GPR18: variants seen among roughly 807,000 people sequenced by gnomAD.
GPR18 encodes N-arachidonyl glycine receptor.
A neutral mutation model predicts 22.8 loss-of-function variants in GPR18; 20 were observed. That is an observed-to-expected ratio of 0.88 (90% CI 0.62 to 1.28). The LOEUF (loss-of-function observed/expected upper bound fraction) is 1.28. GPR18 is among the 50% of genes most tolerant of loss of function. The pLI is 0.00. For synonymous variants in GPR18, 160 were observed against 155.3 expected (o/e 1.03, Z -0.22); for missense variants, 379 against 412.0 (o/e 0.92, Z 0.69).
chr13:99,255,090 C>A lies in GPR18; in HGVS notation c.783G>T (p.Glu261Asp), dbSNP rs1217142609. 3.1e-6 allele frequency: 5 copies of A among 1,614,104 alleles called. No homozygotes were observed. Among genetic ancestry groups the A allele is most frequent in the South Asian group, 2.2e-5 (2 of 91,072 alleles). ...AGGCTCCCCAGGGATTGTAACTGTT[C>A]TCCCCCGTTCCCAGCATCAGGAAAG... ...CFAFLMLGTG[E>D]NSYNPWGAFT... Residue 261 changes from glutamate (E) to aspartate (D), a missense_variant, in exon 2 of 2, where the codon GAG becomes GAT. Physicochemically the swap from Glu to Asp is conservative, Grantham distance 45 (BLOSUM62 2). Coordinates refer to ENST00000397470, the MANE Select transcript of GPR18 (RefSeq NM_001098200.2).
At position 99,255,624 on chromosome 13, in the gene GPR18, T is replaced by G. The variant is rs753159651; in HGVS notation, c.249A>C (p.Ala83=). The G allele has an allele frequency of 1.2e-6, 2 of 1,614,124 alleles. No homozygotes were observed. Among genetic ancestry groups the G allele is most frequent in the Non-Finnish European group, 1.7e-6 (2 of 1,180,022 alleles). ...ACTCTCCAAATGGCCATTCATCTTT[T>G]GCATAATAAAACATTCGAAAGGGTA... The part of the protein sequence containing the change: ...MTLPFRMFYY[A]KDEWPFGEYF... The change falls in exon 2 of 2, where the codon GCA becomes GCC. Residue 83 remains alanine (A), a synonymous_variant. Coordinates refer to ENST00000397470, the MANE Select transcript of GPR18 (RefSeq NM_001098200.2).
At chr13:99,256,056 A>G (rs543979966) in intron 1 of GPR18, 150 bp from the exon 2 acceptor site, 12 of 559,812 alleles carry the variant, frequency 2.1e-5, no homozygotes, top group Non-Finnish European at 3.7e-5. Flanking sequence ...CTGAACATTC[A>G]CAGTAATTCT....
chr13:99,257,353 TTATAA>T (rs978562561), intron 1 of GPR18, among the ~76,000 whole-genome samples: 3 of 152,216 alleles, frequency 2.0e-5, no homozygotes, highest in Non-Finnish European at 4.4e-5. Context: ...ATAGTAGCAA[TTATAA>T]TATAAATGAA....
chr13:99,256,403 A>G (rs1409287094), intron 1 of GPR18: 2 of 152,284 alleles, frequency 1.3e-5, no homozygotes, highest in Admixed American at 1.3e-4. Flanking sequence ...CAAGAACTAG[A>G]CTGTTAGAGC....
At position 99,255,641 on chromosome 13, in the gene GPR18, G is replaced by T. The variant is rs766126078; in HGVS notation, c.232C>A (p.Arg78=). ...TCATCTTTTGCATAATAAAACATTC[G>T]AAAGGGTAAAGTCATTATAAATATC... ...DLIFIMTLPF[R]MFYYAKDEWP... is the part of the protein sequence containing the mutation. The change falls in exon 2 of 2, where the codon CGA becomes AGA. Residue 78 remains arginine (R), a synonymous_variant. Transcript: ENST00000397470. The T allele has an allele frequency of 2.5e-5, 40 of 1,613,820 alleles. No homozygotes were observed. The highest frequency in any genetic ancestry group is 3.3e-5 in the Non-Finnish European group (39 of 1,179,990).
rs2043517639 is a variant in GPR18 at position 99,254,971 on chromosome 13, A to G, written c.902T>C (p.Met301Thr). The G allele has an allele frequency of 6.2e-7, 1 of 1,614,166 alleles. No individual in the cohort carries two copies. The highest frequency in any genetic ancestry group is 1.1e-5 in the South Asian group (1 of 91,086). Reference sequence around the variant, plus strand: ...GCTTCGAAGGTAATTACGGTATAGCATGACACTAATGACTCGAGCCTGAAA... The same window carrying G: ...GCTTCGAAGGTAATTACGGTATAGCGTGACACTAATGACTCGAGCCTGAAA... ...KQFQARVISV[M>T]LYRNYLRSMR... Residue 301 changes from methionine (M) to threonine (T), a missense_variant, in exon 2 of 2, where the codon ATG becomes ACG. Transcript: ENST00000397470.
At position 99,255,171 on chromosome 13, in the gene GPR18, G is replaced by A. The variant is rs767428640; in HGVS notation, c.702C>T (p.Ile234=). The A allele has an allele frequency of 2.5e-6, 4 of 1,614,098 alleles. No individual in the cohort carries two copies. In the South Asian group the frequency reaches 4.4e-5, roughly 18 times the overall value. ...CGAGCACCTGCACCAGCAGCGTGATGATGATCCTTATGGACTTCTCCTTGA... is the reference window on the plus strand; with the variant it reads ...CGAGCACCTGCACCAGCAGCGTGATAATGATCCTTATGGACTTCTCCTTGA... ...PKVKEKSIRI[I]ITLLVQVLVC... The change falls in exon 2 of 2, where the codon ATC becomes ATT. Residue 234 remains isoleucine, a synonymous_variant. Coordinates refer to ENST00000397470, the MANE Select transcript of GPR18 (RefSeq NM_001098200.2).
At chr13:99,256,319 A>T (rs2043555871) in intron 1 of GPR18, 1 of 154,092 alleles carries the variant, frequency 6.5e-6, no homozygotes, top group Non-Finnish European at 1.4e-5. Flanking sequence ...ACTTCATAAT[A>T]TTTATTACCT....
intron 1 of GPR18, among the ~76,000 whole-genome samples, chr13:99,257,718 TAA>T (rs2043590241): frequency 6.6e-6 from 1 of 152,170 alleles, no homozygotes; most frequent in Non-Finnish European, 1.5e-5. Flanking sequence ...TAAAAACCAT[TAA>T]GTTATTTCAT....
intron 1 of GPR18, chr13:99,256,400 T>G (rs1164199238): frequency 6.6e-6 from 1 of 152,350 alleles, no homozygotes. Flanking sequence ...GATCAAGAAC[T>G]AGACTGTTAG....
In GPR18 at chr13:99,255,839, G is replaced by A. The variant is rs1016659191; in HGVS notation, c.34C>T (p.Pro12Ser). The change falls in exon 2 of 2, where the codon CCT becomes TCT. Residue 12 changes from proline (P) to serine (S), a missense_variant. Physicochemically the swap from Pro to Ser is moderately conservative, Grantham distance 74. Transcript: ENST00000397470. ...TCATCTGGATGTGAGCTGTTAAAAGGGACAGGTTGATCTTGATTGTTCAGG... is the reference window on the plus strand; with the variant it reads ...TCATCTGGATGTGAGCTGTTAAAAGAGACAGGTTGATCTTGATTGTTCAGG... Reference protein sequence around the residue: ...ITLNNQDQPVPFNSSHPDEYK... With the variant: ...ITLNNQDQPVSFNSSHPDEYK... The A allele has an allele frequency of 3.8e-6, 6 of 1,598,764 alleles. No homozygotes were observed. The highest frequency in any genetic ancestry group is 5.1e-6 in the Non-Finnish European group (6 of 1,173,020).
chr13:99,255,673 A>C lies in GPR18; in HGVS notation c.200T>G (p.Val67Gly), dbSNP rs771953548. The change falls in exon 2 of 2, where the codon GTG becomes GGG. Residue 67 changes from valine (V) to glycine (G), a missense_variant. Coordinates refer to ENST00000397470, the MANE Select transcript of GPR18 (RefSeq NM_001098200.2). Reference protein sequence around the residue: ...VTIYMMNVALVDLIFIMTLPF... With the variant: ...VTIYMMNVALGDLIFIMTLPF... ...TAAAGTCATTATAAATATCAAGTCC[A>C]CTAATGCCACATTCATCATATAGAT... The C allele has an allele frequency of 6.2e-7, 1 of 1,613,854 alleles. No homozygotes were observed. Among genetic ancestry groups the C allele is most frequent in the Admixed American group, 1.7e-5 (1 of 59,992 alleles).
In GPR18 at chr13:99,254,964, G is replaced by C. The variant is rs59722139; in HGVS notation, c.909C>G (p.Tyr303Ter). 2 of 1,614,002 alleles carry C rather than the reference G, an allele frequency of 1.2e-6. No homozygotes were observed. The highest frequency in any genetic ancestry group is 4.5e-5 in the East Asian group (2 of 44,886). ...FQARVISVML[Y>*]RNYLRSMRRK... ...TGCGCATGCTTCGAAGGTAATTACG[G>C]TATAGCATGACACTAATGACTCGAG... The change falls in exon 2 of 2, where the codon TAC (tyrosine) becomes TAG (stop). Residue 303 changes from tyrosine to a stop codon, truncating the protein, a stop_gained. Transcript: ENST00000397470. LOFTEE classifies it high-confidence loss of function.
chr13:99,255,882 T>C lies in GPR18; in HGVS notation c.-10A>G, dbSNP rs2043545703. The C allele has an allele frequency of 1.3e-6, 2 of 1,535,346 alleles. No homozygotes were observed. The highest frequency in any genetic ancestry group is 2.3e-5 in the East Asian group (1 of 44,014). Reference sequence around the variant, plus strand: ...TGTTCAGGGTGATCATTTTACAGCTTGTTGGTAGGCATGATACTTAGAAAC... The same window carrying C: ...TGTTCAGGGTGATCATTTTACAGCTCGTTGGTAGGCATGATACTTAGAAAC... On this transcript the variant is annotated 5_prime_UTR_variant, in exon 2 of 2. Coordinates refer to ENST00000397470, the MANE Select transcript of GPR18 (RefSeq NM_001098200.2).
In GPR18 at chr13:99,255,887, G is replaced by T; in HGVS notation, c.-15C>A. On this transcript the variant is annotated 5_prime_UTR_variant, in exon 2 of 2. Transcript: ENST00000397470. ...AGGGTGATCATTTTACAGCTTGTTGGTAGGCATGATACTTAGAAACTGTAA... is the reference window on the plus strand; with the variant it reads ...AGGGTGATCATTTTACAGCTTGTTGTTAGGCATGATACTTAGAAACTGTAA... The T allele has an allele frequency of 6.5e-7, 1 of 1,527,534 alleles. No homozygotes were observed. The highest frequency in any genetic ancestry group is 8.8e-7 in the Non-Finnish European group (1 of 1,140,682). 94.6% of individuals were successfully genotyped at this position (1,527,534 alleles called of 1,614,324 possible).
chr13:99,255,218 T>G lies in GPR18; in HGVS notation c.655A>C (p.Thr219Pro). ...VIIHNLLHGRTSKLKPKVKEK... is the reference protein window; with the variant it reads ...VIIHNLLHGRPSKLKPKVKEK... ...TTGACTTTGGGTTTCAGCTTAGACGTCCTGCCGTGAAGGAGATTATGAATA... is the reference window on the plus strand; with the variant it reads ...TTGACTTTGGGTTTCAGCTTAGACGGCCTGCCGTGAAGGAGATTATGAATA... Residue 219 changes from threonine to proline, a missense_variant, in exon 2 of 2, where the codon ACG becomes CCG. Thr to Pro is a conservative substitution (Grantham distance 38). Coordinates refer to ENST00000397470, the MANE Select transcript of GPR18 (RefSeq NM_001098200.2). The G allele has an allele frequency of 6.2e-7, 1 of 1,614,052 alleles. No homozygotes were observed. The highest frequency in any genetic ancestry group is 2.2e-5 in the East Asian group (1 of 44,880).
chr13:99,257,424 C>G (rs7322759), intron 1 of GPR18, among the ~76,000 whole-genome samples: 21,749 of 151,856 alleles, frequency 0.14, 1,795 homozygotes, highest in East Asian at 0.32. Flanking sequence ...TTCACCTATC[C>G]TCATCCTTCA....
rs1353668771 is a variant in GPR18 at position 99,258,190 on chromosome 13, T to G, written c.-71A>C. 1 of 152,262 alleles carries G rather than the reference T, an allele frequency of 6.6e-6. No individual in the cohort carries two copies. The highest frequency in any genetic ancestry group is 1.5e-5 in the Non-Finnish European group (1 of 68,044). 9.4% of individuals were successfully genotyped at this position (152,262 alleles called of 1,614,324 possible). A position where few individuals can be genotyped will look rare whatever the true frequency, so the allele number is the denominator to read the frequency against. On this transcript the variant is annotated 5_prime_UTR_variant, in exon 1 of 2. It removes an upstream start codon present in the reference 5' UTR. Coordinates refer to ENST00000397470, the MANE Select transcript of GPR18 (RefSeq NM_001098200.2). ...CAAAAGTCTGTGTGAGAGATGAGCA[T>G]TTTTCAGCACTTCCACTTCTGTCGA...
chr13:99,254,751 A>T lies in GPR18; in HGVS notation c.*126T>A. The T allele has an allele frequency of 1.4e-6, 1 of 711,734 alleles. No individual in the cohort carries two copies. The highest frequency in any genetic ancestry group is 2.3e-6 in the Non-Finnish European group (1 of 444,158). 44.1% of individuals were successfully genotyped at this position (711,734 alleles called of 1,614,324 possible). On this transcript the variant is annotated 3_prime_UTR_variant, in exon 2 of 2. Coordinates refer to ENST00000397470, the MANE Select transcript of GPR18 (RefSeq NM_001098200.2). Reference sequence around the variant, plus strand: ...AAAATGTTTTATATAAGTTTTTAAAATGAAGATAATGAATTTATTTTTTCA... The same window carrying T: ...AAAATGTTTTATATAAGTTTTTAAATTGAAGATAATGAATTTATTTTTTCA...
Sources: gnomAD v4.1 joint callset for allele counts (sites outside exome capture counted in the v4.1 genomes callset) on GRCh38, gnomAD v4.1.1 for gene constraint, MANE v1.5 for transcripts, NCBI Gene and HGNC (gene_info 2026-07-23, HGNC 2026-07-21) for gene names.